The following KLC2 variants were observed in gnomAD, a reference collection of about 807,000 sequenced individuals.
KLC2 encodes kinesin light chain 2, also known as KLC 2.
In KLC2, 35 loss-of-function variants were observed where a neutral mutation model predicts 75.1. The observed-to-expected ratio is 0.47, with a 90% CI of 0.36 to 0.62. KLC2 has a LOEUF of 0.62. KLC2 is among the 20% of genes least tolerant of loss of function. The pLI is 0.00. For missense variants in KLC2, 611 were observed against 833.2 expected, an observed-to-expected ratio of 0.73 and a Z score of 3.28; for synonymous variants, 314 against 336.7, an observed-to-expected ratio of 0.93 and a Z score of 0.74.
chr11:66,253,973 G>A (rs530467015), upstream of KLC2, among the ~76,000 whole-genome samples: 43 of 152,226 alleles, frequency 2.8e-4, 1 homozygote, highest in Admixed American at 7.2e-4. Flanking sequence ...CTCCTTGGCC[G>A]GGCGCAGTGG....
the KLC2 span, among the ~76,000 whole-genome samples, chr11:66,248,210 A>T: frequency 6.6e-6 from 1 of 152,374 alleles, no homozygotes; most frequent in East Asian, 1.9e-4. Flanking sequence ...AGTTGCAAAA[A>T]TAGTAGAAAG....
At chr11:66,265,784 G>A (rs1856779731) in intron 12 of KLC2, 21 bp downstream of exon 12, 4 of 1,610,718 alleles carry the variant, frequency 2.5e-6, no homozygotes, top group Non-Finnish European at 3.4e-6. Flanking sequence ...ATGCAGGAGG[G>A]GGTGGGCAGA....
rs559209358 is a variant in KLC2 at position 66,264,699 on chromosome 11, C to T, written c.1216+255C>T. ...CCCCCTTCTCCACTGGCGATTCTTGCTCACCTTGAGGGCCTGCCCCAGTGT... is the reference window on the plus strand; with the variant it reads ...CCCCCTTCTCCACTGGCGATTCTTGTTCACCTTGAGGGCCTGCCCCAGTGT... On this transcript the variant is annotated intron_variant, in intron 9 of 15. Coordinates refer to ENST00000394067, the MANE Select transcript of KLC2 (RefSeq NM_001318734.2). 4.4e-5 allele frequency: 26 copies of T among 586,212 alleles called. No homozygotes were observed. In the African/African-American group the frequency reaches 4.5e-4, roughly 10 times the overall value. 36.3% of individuals were successfully genotyped at this position (586,212 alleles called of 1,614,324 possible). A position where few individuals can be genotyped will look rare whatever the true frequency, so the allele number is the denominator to read the frequency against.
chr11:66,264,326 C>T lies in KLC2; in HGVS notation c.1117-19C>T. 1 of 1,604,048 alleles carries T rather than the reference C, an allele frequency of 6.2e-7. No individual in the cohort carries two copies. Among genetic ancestry groups the T allele is most frequent in the East Asian group, 2.2e-5 (1 of 44,744 alleles). ...TGGCTGCATGCATCCCGCTCACTCT[C>T]TGGGTCTCCCGCTTCCAGGCTTCCT... is the stretch of plus-strand genomic sequence containing the variant. On this transcript the variant is annotated intron_variant, in intron 8 of 15. Transcript: ENST00000394067.
At position 66,267,590 on chromosome 11, in the gene KLC2, T is replaced by TC. The variant is rs1856931219; in HGVS notation, c.*638dup. On this transcript the variant is annotated 3_prime_UTR_variant, in exon 16 of 16. Transcript: ENST00000394067. Reference sequence around the variant, plus strand: ...CGCCCCGTGGCCCAGGACGGGGACCTCCCCTTAGTCCGTCCTCCCACCGCC... The same window carrying TC: ...CGCCCCGTGGCCCAGGACGGGGACCTCCCCCTTAGTCCGTCCTCCCACCGCC... The TC allele has an allele frequency of 3.3e-6, 2 of 608,256 alleles. No individual in the cohort carries two copies. The highest frequency in any genetic ancestry group is 3.7e-5 in the African/African-American group (2 of 53,852). 37.7% of individuals were successfully genotyped at this position (608,256 alleles called of 1,614,324 possible).
At chr11:66,258,473 G>C (rs923803569) in intron 1 of KLC2, 111 bp from the exon 2 acceptor site, 18 of 700,928 alleles carry the variant, frequency 2.6e-5, no homozygotes, top group Non-Finnish European at 3.9e-5. Flanking sequence ...TGGGGGACCT[G>C]GGCACACGGG....
chr11:66,262,215 T>A, intron 4 of KLC2, 23 bp downstream of exon 4: 1 of 1,599,880 alleles, frequency 6.3e-7, no homozygotes, highest in Non-Finnish European at 8.6e-7. Context: ...AGTTCTGGAG[T>A]GGGGGAAGGA....
At chr11:66,264,792 T>C (rs1856699081) in intron 9 of KLC2, 1 of 589,524 alleles carries the variant, frequency 1.7e-6, no homozygotes, top group East Asian at 2.8e-5. Context: ...CCTCGGAGCC[T>C]GGCCCATCAT....
intron 14 of KLC2, 93 bp downstream of exon 14, chr11:66,266,310 T>C: frequency 6.7e-7 from 1 of 1,492,014 alleles, no homozygotes. Context: ...CCAGGCAACC[T>C]CCCCATCCCT....
chr11:66,252,365 A>G (rs1454395989), upstream of KLC2, among the ~76,000 whole-genome samples: 4 of 152,070 alleles, frequency 2.6e-5, no homozygotes, highest in Admixed American at 2.6e-4. Context: ...GGCTCACCGC[A>G]AGCTCCGCCT....
At position 66,261,966 on chromosome 11, in the gene KLC2, C is replaced by T. The variant is rs746187535; in HGVS notation, c.453C>T (p.Ser151=). Residue 151 remains serine, a synonymous_variant, in exon 3 of 16, where the codon TCC becomes TCT. Transcript: ENST00000394067. The part of the protein sequence containing the change: ...SQIRKLDEDA[S]PNEEKGDVPK... Reference sequence around the variant, plus strand: ...TCCGCAAGTTGGATGAAGACGCCTCCCCTAACGTGAGCTCCTACCATGGTC... The same window carrying T: ...TCCGCAAGTTGGATGAAGACGCCTCTCCTAACGTGAGCTCCTACCATGGTC... The T allele has an allele frequency of 1.1e-5, 18 of 1,613,296 alleles. No individual in the cohort carries two copies. The African/African-American group carries it at 2.0e-4, about 18-fold the overall frequency.
intron 11 of KLC2, 61 bp from the exon 12 acceptor site, chr11:66,265,593 TG>T: frequency 7.3e-7 from 1 of 1,366,296 alleles, no homozygotes; most frequent in Non-Finnish European, 1.0e-6. Flanking sequence ...CACTGTGGGC[TG>T]GGTGCCAGGA....
upstream of KLC2, among the ~76,000 whole-genome samples, chr11:66,256,999 G>A (rs1004025351): frequency 6.6e-6 from 1 of 152,174 alleles, no homozygotes; most frequent in African/African-American, 2.4e-5. Flanking sequence ...GGGCAGCCCA[G>A]GGAAGAGATG....
chr11:66,244,286 C>T, the KLC2 span: 1 of 152,528 alleles, frequency 6.6e-6, no homozygotes, highest in African/African-American at 2.4e-5. Context: ...CTGCCTTTCC[C>T]TGCTCTGTTC....
chr11:66,264,242 T>G (rs1457075196), intron 8 of KLC2, 23 bp downstream of exon 8: 1 of 1,567,726 alleles, frequency 6.4e-7, no homozygotes, highest in East Asian at 2.3e-5. Context: ...TGAGAGGAGC[T>G]GGAGGATGGG....
In KLC2 at chr11:66,258,637, G is replaced by T. The variant is rs1220047389; in HGVS notation, c.43G>T (p.Asp15Tyr). 6.2e-7 allele frequency: 1 copy of T among 1,613,924 alleles called. No individual in the cohort carries two copies. Among genetic ancestry groups the T allele is most frequent in the Non-Finnish European group, 8.5e-7 (1 of 1,179,982 alleles). Residue 15 changes from aspartate to tyrosine, a missense_variant, in exon 2 of 16, where the codon GAT becomes TAT. By Grantham distance (160) the Asp-to-Tyr change is radical (BLOSUM62 -3). Transcript: ENST00000394067. ...VFPREEKLSQ[D>Y]EIVLGTKAVI... ...TCCGCGGGAGGAGAAGCTGAGCCAG[G>T]ATGAGATCGTGCTGGGCACCAAGGC... is the stretch of plus-strand genomic sequence containing the variant.
chr11:66,265,548 C>G, intron 11 of KLC2, 107 bp from the exon 12 acceptor site: 1 of 903,814 alleles, frequency 1.1e-6, no homozygotes, highest in Non-Finnish European at 1.7e-6. Flanking sequence ...GGAATGGATT[C>G]TGGCTACCCC....
intron 5 of KLC2, 32 bp from the exon 6 acceptor site, chr11:66,263,628 A>G: frequency 6.7e-7 from 1 of 1,501,640 alleles, no homozygotes; most frequent in Non-Finnish European, 9.3e-7. Context: ...GAGCTGGAGG[A>G]CAGCCCTGAC....
the KLC2 span, among the ~76,000 whole-genome samples, chr11:66,251,433 G>A: frequency 1.5e-5 from 2 of 135,228 alleles, 1 homozygote; most frequent in Non-Finnish European, 3.4e-5. Context: ...CAGAGGTTGC[G>A]GTGTGCCAAG....
Sources: allele counts gnomAD v4.1 joint callset (sites outside exome capture counted in the v4.1 genomes callset), GRCh38; gene constraint gnomAD v4.1.1; transcripts MANE v1.5; gene names NCBI Gene and HGNC (gene_info 2026-07-23, HGNC 2026-07-21).